SDK2: variants seen among roughly 807,000 people sequenced by gnomAD.
The protein encoded by SDK2 is protein sidekick-2.
SDK2 carries 105 observed loss-of-function variants against 253.9 expected under a neutral mutation model. The observed-to-expected ratio is 0.41, with a 90% CI of 0.35 to 0.49. The LOEUF is 0.49. SDK2 is among the 20% of genes least tolerant of loss of function. The pLI is 0.06. For synonymous variants in SDK2, 1,249 were observed against 1,234.9 expected, an observed-to-expected ratio of 1.01 and a Z score of -0.24; for missense variants, 2,608 against 3,003.0, an observed-to-expected ratio of 0.87 and a Z score of 3.07.
intron 1 of SDK2, among the ~76,000 whole-genome samples, chr17:73,638,923 C>A (rs914264284): frequency 9.3e-5 from 14 of 151,344 alleles, no homozygotes; most frequent in African/African-American, 1.5e-4. Context: ...GATTCTCCTG[C>A]CTCAGTCTCC....
intron 1 of SDK2, among the ~76,000 whole-genome samples, chr17:73,523,103 A>G (rs1345421291): frequency 2.6e-5 from 4 of 152,188 alleles, no homozygotes; most frequent in Non-Finnish European, 5.9e-5. Flanking sequence ...TTGGAGCTAG[A>G]TTTTGATACC....
At chr17:73,503,775 G>T (rs1337860068) in intron 2 of SDK2, among the ~76,000 whole-genome samples, 2 of 152,182 alleles carry the variant, frequency 1.3e-5, no homozygotes, top group African/African-American at 2.4e-5. Flanking sequence ...GCCAATCAGG[G>T]TGCTCCATGC....
chr17:73,512,548 C>T (rs1599636908), intron 1 of SDK2, among the ~76,000 whole-genome samples: 1 of 137,068 alleles, frequency 7.3e-6, no homozygotes, highest in Non-Finnish European at 1.6e-5. Flanking sequence ...AACACACACA[C>T]ATACACACAC....
intron 1 of SDK2, among the ~76,000 whole-genome samples, chr17:73,510,772 G>A (rs1317972000): frequency 6.6e-6 from 1 of 152,182 alleles, no homozygotes; most frequent in East Asian, 1.9e-4. Flanking sequence ...GGGATTAGAC[G>A]CCTGAGCCAC....
intron 1 of SDK2, among the ~76,000 whole-genome samples, chr17:73,549,743 GA>G (rs2045024954): frequency 6.6e-6 from 1 of 152,196 alleles, no homozygotes; most frequent in Admixed American, 6.5e-5. Context: ...GTGTGTGGGA[GA>G]GGGGATGGGG....
At chr17:73,474,043 G>A (rs1035823273) in intron 2 of SDK2, among the ~76,000 whole-genome samples, 1 of 151,878 alleles carries the variant, frequency 6.6e-6, no homozygotes, top group Admixed American at 6.6e-5. Flanking sequence ...GAAACTTTTT[G>A]AAAAAAGAGA....
intron 2 of SDK2, chr17:73,504,472 A>G (rs1328121482): frequency 6.6e-6 from 1 of 151,730 alleles, no homozygotes; most frequent in East Asian, 1.9e-4. Context: ...CTAAAAAAAA[A>G]ATACGAAAAA....
intron 12 of SDK2, 91 bp from the exon 13 acceptor site, chr17:73,424,183 C>A: frequency 9.0e-7 from 1 of 1,110,838 alleles, no homozygotes; most frequent in Non-Finnish European, 1.3e-6. Flanking sequence ...AAAATAGCTC[C>A]AAAGCTGGGC....
At chr17:73,357,036 G>A (rs1186156432) in intron 40 of SDK2, among the ~76,000 whole-genome samples, 1 of 152,226 alleles carries the variant, frequency 6.6e-6, no homozygotes. Context: ...CGGCACCAGA[G>A]GGCCAGGGAG....
chr17:73,436,210 C>T (rs528838780), intron 8 of SDK2, among the ~76,000 whole-genome samples: 29 of 152,128 alleles, frequency 1.9e-4, no homozygotes, highest in Non-Finnish European at 3.7e-4. Context: ...CCCCCCATAC[C>T]GGCTTTGCAC....
At position 73,431,815 on chromosome 17, in the gene SDK2, TG is replaced by T; in HGVS notation, c.1313-147del. On this transcript the variant is annotated intron_variant, in intron 10 of 44. Coordinates refer to ENST00000392650, the MANE Select transcript of SDK2 (RefSeq NM_001144952.2). The surrounding 1 kb of genome is among the most constrained non-coding windows in gnomAD (Gnocchi z 5.6). Reference sequence around the variant, plus strand: ...GAATGAGGACAGATGGCGGTGGGGCTGGGGTGGGGGCTGAGAGACCTGGAGA... The same window carrying T: ...GAATGAGGACAGATGGCGGTGGGGCTGGGTGGGGGCTGAGAGACCTGGAGA... 1 of 876,942 alleles carries T rather than the reference TG, an allele frequency of 1.1e-6. No homozygotes were observed. 54.3% of individuals were successfully genotyped at this position (876,942 alleles called of 1,614,324 possible).
intron 1 of SDK2, among the ~76,000 whole-genome samples, chr17:73,509,935 G>C (rs368033503): frequency 1.5e-3 from 143 of 94,630 alleles, no homozygotes; most frequent in Non-Finnish European, 2.4e-3. Context: ...AGGAAAGAAA[G>C]AAAAAGTAAA....
intron 33 of SDK2, 101 bp from the exon 34 acceptor site, chr17:73,381,051 C>A: frequency 1.4e-6 from 1 of 715,426 alleles, no homozygotes; most frequent in South Asian, 1.7e-5. Context: ...CCCGGCCAGG[C>A]GGGGCTGACG....
intron 1 of SDK2, among the ~76,000 whole-genome samples, chr17:73,596,727 A>G (rs867185976): frequency 6.6e-6 from 1 of 150,994 alleles, no homozygotes; most frequent in Non-Finnish European, 1.5e-5. Flanking sequence ...AGCCTCCCCG[A>G]CCCTCCCAGC....
intron 18 of SDK2, among the ~76,000 whole-genome samples, chr17:73,408,052 TTTTTTTTTTTTTC>T (rs2063094318): frequency 9.3e-6 from 1 of 107,720 alleles, no homozygotes; most frequent in African/African-American, 3.1e-5. Flanking sequence ...ATTTCCTTTT[TTTTTTTTTTTTTC>T]TTTTGAGACA....
chr17:73,548,342 G>A (rs1306243038), intron 1 of SDK2, among the ~76,000 whole-genome samples: 30 of 152,284 alleles, frequency 2.0e-4, no homozygotes, highest in Non-Finnish European at 1.5e-5. Flanking sequence ...CACCCAGCTG[G>A]TGGTGCGACC....
At chr17:73,372,886 T>C (rs781078441) in intron 36 of SDK2, among the ~76,000 whole-genome samples, 42 of 152,240 alleles carry the variant, frequency 2.8e-4, no homozygotes, top group Non-Finnish European at 8.8e-5. Context: ...TTCATCATCT[T>C]TTTGTGGTGA....
At chr17:73,575,116 G>T (rs2045440772) in intron 1 of SDK2, among the ~76,000 whole-genome samples, 1 of 152,216 alleles carries the variant, frequency 6.6e-6, no homozygotes, top group African/African-American at 2.4e-5. Flanking sequence ...TATCCCCTGG[G>T]AATCAAACAG....
chr17:73,583,226 T>A (rs1472659249), intron 1 of SDK2, among the ~76,000 whole-genome samples: 1 of 152,244 alleles, frequency 6.6e-6, no homozygotes, highest in Non-Finnish European at 1.5e-5. Context: ...GTAGTCTGCA[T>A]GCTCCCTGAC....
Sources: allele counts gnomAD v4.1 joint callset (sites outside exome capture counted in the v4.1 genomes callset), GRCh38; gene constraint gnomAD v4.1.1; non-coding constraint Gnocchi (gnomAD v3.1); transcripts MANE v1.5; gene names NCBI Gene and HGNC (gene_info 2026-07-23, HGNC 2026-07-21).